Variants in MRM1 observed in about 807,000 individuals in gnomAD.
MRM1 encodes mitochondrial rRNA methyltransferase 1.
Under a neutral mutation model 25.0 loss-of-function variants are expected in MRM1, and 24 were observed. The ratio of observed to expected loss-of-function variants is 0.96; its 90% confidence interval spans 0.69 to 1.35. The LOEUF (loss-of-function observed/expected upper bound fraction) is 1.35, where lower values mean the gene tolerates loss of function less well. Ranked by LOEUF, MRM1 falls within the 40% of genes most tolerant of loss-of-function variation. The pLI, the probability that MRM1 is intolerant of heterozygous loss-of-function variation, is 0.00. For synonymous variants in MRM1, 188 were observed against 199.2 expected, an observed-to-expected ratio of 0.94 and a Z score of 0.47; for missense variants, 431 against 464.1, an observed-to-expected ratio of 0.93 and a Z score of 0.65.
rs768747286 is a variant in MRM1 at position 36,608,313 on chromosome 17, C to G, written c.960C>G (p.Leu320=). ...CAGAGGGGGAGAGAAGGCAGCTTCT[C>G]CAAGACCCCCAAGAACCCTCAGCCA... ...FPTEGERRQL[L]QDPQEPSARS... is the part of the protein sequence containing the mutation. Residue 320 remains leucine (L), a synonymous_variant, in exon 5 of 5, where the codon CTC becomes CTG. Transcript: ENST00000614766. The G allele has an allele frequency of 8.1e-6, 13 of 1,610,166 alleles. No individual in the cohort carries two copies. Among genetic ancestry groups the G allele is most frequent in the Non-Finnish European group, 1.0e-5 (12 of 1,178,192 alleles).
downstream of MRM1, among the ~76,000 whole-genome samples, chr17:36,610,909 G>C (rs535090099): frequency 6.6e-6 from 1 of 152,256 alleles, no homozygotes; most frequent in African/African-American, 2.4e-5. Context: ...TGGCTCCTGG[G>C]TTCAAGCGGT....
At chr17:36,611,385 AC>A (rs2074976002), downstream of MRM1, among the ~76,000 whole-genome samples, 1 of 151,946 alleles carries the variant, frequency 6.6e-6, no homozygotes, top group Admixed American at 6.6e-5. Flanking sequence ...AGCCCTATCT[AC>A]CCCCTTCCTT....
chr17:36,625,027 C>T, the MRM1 span, among the ~76,000 whole-genome samples: 3 of 152,330 alleles, frequency 2.0e-5, no homozygotes, highest in East Asian at 1.9e-4. Flanking sequence ...AGGGAACCCA[C>T]CTAGCTTGAA....
In MRM1 at chr17:36,602,651, T is replaced by C. The variant is rs568686649; in HGVS notation, c.636+5T>C. The C allele has an allele frequency of 6.2e-7, 1 of 1,613,900 alleles. No individual in the cohort carries two copies. The highest frequency in any genetic ancestry group is 2.2e-5 in the East Asian group (1 of 44,868). ...GACCTCACCGGATTTTTACAGGTAA[T>C]GAGGGGCAAGAGGGGAAGGAACAGA... On this transcript the variant is annotated splice_donor_5th_base_variant and intron_variant, in intron 2 of 4. Coordinates refer to ENST00000614766, the MANE Select transcript of MRM1 (RefSeq NM_024864.5). This position sits in a 1 kb window ranked among gnomAD's most constrained non-coding sequence, Gnocchi z 4.1.
downstream of MRM1, among the ~76,000 whole-genome samples, chr17:36,611,888 C>T (rs1241362868): frequency 6.6e-6 from 1 of 152,198 alleles, no homozygotes; most frequent in East Asian, 1.9e-4. Flanking sequence ...TCACCCTGCA[C>T]GTCTTGAGAC....
chr17:36,634,097 C>G, the MRM1 span: 1 of 152,246 alleles, frequency 6.6e-6, no homozygotes, highest in African/African-American at 2.4e-5. Context: ...TAGAGCCCAG[C>G]CAGCCTCCAT....
intron 2 of MRM1, among the ~76,000 whole-genome samples, chr17:36,605,622 A>G (rs1474341053): frequency 2.6e-5 from 4 of 150,980 alleles, no homozygotes; most frequent in Non-Finnish European, 5.9e-5. Context: ...CTAGTTGCCT[A>G]CTGCACAGTT....
At chr17:36,629,516 G>A in the MRM1 span, among the ~76,000 whole-genome samples, 1 of 152,214 alleles carries the variant, frequency 6.6e-6, no homozygotes, top group African/African-American at 2.4e-5. Flanking sequence ...CAGAGGGCAG[G>A]GCTGGATGGC....
the MRM1 span, among the ~76,000 whole-genome samples, chr17:36,618,666 GGGCT>G: frequency 6.6e-6 from 1 of 152,172 alleles, no homozygotes; most frequent in South Asian, 2.1e-4. Flanking sequence ...GGACAGCCCA[GGGCT>G]GGAAGCTGCC....
the MRM1 span, among the ~76,000 whole-genome samples, chr17:36,626,583 A>G: frequency 1.3e-5 from 2 of 151,802 alleles, no homozygotes; most frequent in African/African-American, 4.8e-5. Context: ...CTGATCTCGA[A>G]CTCCTGACCT....
the MRM1 span, among the ~76,000 whole-genome samples, chr17:36,624,815 G>T: frequency 6.6e-6 from 1 of 152,120 alleles, no homozygotes; most frequent in Non-Finnish European, 1.5e-5. This position sits in a 1 kb window ranked among gnomAD's most constrained non-coding sequence, Gnocchi z 4.0. Context: ...AGTGAGGAGC[G>T]CAGGAAACGG....
At chr17:36,631,686 C>T in the MRM1 span, among the ~76,000 whole-genome samples, 1 of 152,180 alleles carries the variant, frequency 6.6e-6, no homozygotes, top group Non-Finnish European at 1.5e-5. Context: ...CCTGGCAGTT[C>T]ATGTTAGGAG....
chr17:36,621,989 T>A, the MRM1 span, among the ~76,000 whole-genome samples: 41 of 152,326 alleles, frequency 2.7e-4, no homozygotes, highest in African/African-American at 8.7e-4. Flanking sequence ...TCTGTGCATC[T>A]GCCTCTGTGT....
At chr17:36,632,838 T>G in the MRM1 span, among the ~76,000 whole-genome samples, 25 of 152,006 alleles carry the variant, frequency 1.6e-4, no homozygotes, top group African/African-American at 5.8e-4. Context: ...GGGCTCAGAC[T>G]TACAGGTGGA....
chr17:36,617,756 G>C, the MRM1 span, among the ~76,000 whole-genome samples: 1 of 152,038 alleles, frequency 6.6e-6, no homozygotes, highest in African/African-American at 2.4e-5. Flanking sequence ...CTGCCCCTTT[G>C]CCCTTCCTAG....
At chr17:36,603,051 T>A (rs1339379246) in intron 2 of MRM1, 3 of 985,286 alleles carry the variant, frequency 3.0e-6, no homozygotes, top group Non-Finnish European at 3.6e-6. Flanking sequence ...GCCATTAGTA[T>A]CTAGCAAGAG....
At chr17:36,620,478 A>G in the MRM1 span, among the ~76,000 whole-genome samples, 1 of 152,180 alleles carries the variant, frequency 6.6e-6, no homozygotes, top group African/African-American at 2.4e-5. Context: ...GACCAGTAGG[A>G]GGCCCAGGGA....
the MRM1 span, among the ~76,000 whole-genome samples, chr17:36,614,473 T>G: frequency 4.6e-5 from 7 of 152,296 alleles, no homozygotes; most frequent in Admixed American, 3.9e-4. Context: ...GGAAACCTGG[T>G]CAGGGGACGA....
the MRM1 span, among the ~76,000 whole-genome samples, chr17:36,632,671 A>G: frequency 1.4e-3 from 216 of 152,292 alleles, 1 homozygote; most frequent in African/African-American, 5.0e-3. Context: ...TGAAAGGATC[A>G]TGGAGAGGAT....
Sources: gnomAD v4.1 joint callset for allele counts (sites outside exome capture counted in the v4.1 genomes callset) on GRCh38, gnomAD v4.1.1 for gene constraint, Gnocchi (gnomAD v3.1) non-coding constraint, MANE v1.5 for transcripts, NCBI Gene and HGNC (gene_info 2026-07-23, HGNC 2026-07-21) for gene names.